CYP4Z1: variants seen among roughly 807,000 people sequenced by gnomAD.
The protein encoded by CYP4Z1 is cytochrome P450 family 4 subfamily Z member 1.
A neutral mutation model predicts 54.2 loss-of-function variants in CYP4Z1; 41 were observed. The observed-to-expected ratio is 0.76, with a 90% CI of 0.59 to 0.98. CYP4Z1 has a LOEUF of 0.98. CYP4Z1 is among the 50% of genes least tolerant of loss of function. CYP4Z1 has a pLI of 0.00. For missense variants in CYP4Z1, 513 were observed against 599.0 expected, an observed-to-expected ratio of 0.86 and a Z score of 1.50; for synonymous variants, 163 against 206.2, an observed-to-expected ratio of 0.79 and a Z score of 1.79.
intron 9 of CYP4Z1, among the ~76,000 whole-genome samples, chr1:47,111,850 G>A (rs1330219398): frequency 6.6e-6 from 1 of 152,134 alleles, no homozygotes; most frequent in Non-Finnish European, 1.5e-5. Flanking sequence ...TTCATCTGGA[G>A]TTTTTTGTTT....
chr1:47,065,778 T>C (rs1486605046), upstream of CYP4Z1, among the ~76,000 whole-genome samples: 1 of 151,982 alleles, frequency 6.6e-6, no homozygotes, highest in Non-Finnish European at 1.5e-5. Flanking sequence ...TGATGAACCA[T>C]TAGTGAGATT....
At chr1:47,108,085 G>A (rs1472368604) in intron 9 of CYP4Z1, among the ~76,000 whole-genome samples, 416 of 151,158 alleles carry the variant, frequency 2.8e-3, no homozygotes, top group African/African-American at 9.7e-3. Flanking sequence ...AAGTGCACAC[G>A]CAGAGTTGCC....
the CYP4Z1 span, among the ~76,000 whole-genome samples, chr1:47,059,276 C>A: frequency 6.6e-6 from 1 of 152,104 alleles, no homozygotes; most frequent in East Asian, 1.9e-4. Context: ...CTGAGGTTAA[C>A]ATTTTACATA....
intron 8 of CYP4Z1, among the ~76,000 whole-genome samples, chr1:47,103,207 T>A: frequency 6.6e-6 from 1 of 151,556 alleles, no homozygotes; most frequent in East Asian, 1.9e-4. Context: ...AGAGAGAGAG[T>A]CTCACTCTGT....
At chr1:47,078,057 A>G (rs1644538000) in intron 2 of CYP4Z1, among the ~76,000 whole-genome samples, 1 of 152,086 alleles carries the variant, frequency 6.6e-6, no homozygotes, top group African/African-American at 2.4e-5. Context: ...TTATTTTCAT[A>G]GTGATTAACG....
intron 9 of CYP4Z1, among the ~76,000 whole-genome samples, chr1:47,112,665 A>G (rs1644801977): frequency 6.6e-6 from 1 of 152,138 alleles, no homozygotes; most frequent in Admixed American, 6.6e-5. Flanking sequence ...CATGCCTGTA[A>G]TCCGAACACT....
intron 1 of CYP4Z1, among the ~76,000 whole-genome samples, 179 bp from the exon 2 acceptor site, chr1:47,068,443 G>A (rs1644466506): frequency 6.6e-6 from 1 of 152,154 alleles, no homozygotes; most frequent in Non-Finnish European, 1.5e-5. Context: ...CCAGGGCCAC[G>A]AAGATTCTGT....
chr1:47,115,546 A>T lies in CYP4Z1; in HGVS notation c.1219A>T (p.Asn407Tyr), dbSNP rs972386823. The change falls in exon 10 of 12, where the codon AAT (asparagine) becomes TAT (tyrosine). Residue 407 changes from asparagine to tyrosine, a missense_variant. Coordinates refer to ENST00000334194, the MANE Select transcript of CYP4Z1 (RefSeq NM_178134.3). ...TTACTCAGGAATAACTGTGTTTATC[A>T]ATATTTGGGCTCTTCACCACAACCC... The part of the protein sequence containing the change: ...SLPAGITVFI[N>Y]IWALHHNPYF... The T allele has an allele frequency of 6.2e-7, 1 of 1,613,296 alleles. No individual in the cohort carries two copies. The highest frequency in any genetic ancestry group is 8.5e-7 in the Non-Finnish European group (1 of 1,179,742).
At position 47,067,436 on chromosome 1, in the gene CYP4Z1, A is replaced by G; in HGVS notation, c.-55A>G. 1 of 1,458,542 alleles carries G rather than the reference A, an allele frequency of 6.9e-7. No homozygotes were observed. Among genetic ancestry groups the G allele is most frequent in the Non-Finnish European group, 9.1e-7 (1 of 1,093,340 alleles). The allele number at this position is 1,458,542 out of a possible 1,614,324, so 90.4% of individuals were successfully genotyped here. On this transcript the variant is annotated 5_prime_UTR_variant, in exon 1 of 12. Transcript: ENST00000334194. ...TCCTTTGTGTTTATGAGAGACCTGC[A>G]TTCTCCCTGGCTCAGTTCTCTCAGG...
chr1:47,115,662 A>G (rs983875959), intron 10 of CYP4Z1, 69 bp downstream of exon 10: 232 of 1,387,748 alleles, frequency 1.7e-4, no homozygotes, highest in Non-Finnish European at 2.3e-4. Flanking sequence ...GCATCTTCAC[A>G]GTTGAGAGAG....
intron 7 of CYP4Z1, among the ~76,000 whole-genome samples, chr1:47,096,202 A>G (rs1168976434): frequency 4.6e-5 from 7 of 152,206 alleles, no homozygotes; most frequent in Admixed American, 2.0e-4. Context: ...AGGATCACTT[A>G]AGGCCAGGAG....
Position 47,085,007 on chromosome 1 carries a change from T to A in CYP4Z1, c.772+29T>A, listed in dbSNP as rs1644581487. The A allele has an allele frequency of 3.2e-6, 3 of 925,162 alleles. No individual in the cohort carries two copies. The East Asian group carries it at 8.0e-5, about 25-fold the overall frequency. The allele number at this position is 925,162 out of a possible 1,614,324, so 57.3% of individuals were successfully genotyped here. A position where few individuals can be genotyped will look rare whatever the true frequency, so the allele number is the denominator to read the frequency against. On this transcript the variant is annotated intron_variant, in intron 6 of 11. Transcript: ENST00000334194. ...AGTCCTGGGATTTACATGGCCAGAGTCCACTATGAGACATCTCATTGTCTG... is the reference window on the plus strand; with the variant it reads ...AGTCCTGGGATTTACATGGCCAGAGACCACTATGAGACATCTCATTGTCTG...
the CYP4Z1 span, among the ~76,000 whole-genome samples, chr1:47,061,366 C>T: frequency 6.6e-6 from 1 of 152,156 alleles, no homozygotes; most frequent in Non-Finnish European, 1.5e-5. Context: ...ACTGACCCCA[C>T]AGAAATAAAA....
At chr1:47,079,767 T>C (rs1226078789) in intron 2 of CYP4Z1, among the ~76,000 whole-genome samples, 2 of 151,868 alleles carry the variant, frequency 1.3e-5, no homozygotes, top group Non-Finnish European at 2.9e-5. Flanking sequence ...AGTGAAGGGA[T>C]AGATCAGGTT....
chr1:47,079,476 T>G (rs1194735766), intron 2 of CYP4Z1, among the ~76,000 whole-genome samples: 4 of 152,148 alleles, frequency 2.6e-5, no homozygotes, highest in African/African-American at 9.7e-5. Flanking sequence ...TTAGACATTA[T>G]TTTTTAGGAC....
rs140175166 is a variant in CYP4Z1, at chr1:47,099,870, T to C, written c.1067+586T>C. Among the ~76,000 whole-genome samples, 757 of 152,322 alleles carry C rather than the reference T, an allele frequency of 5.0e-3. 8 individuals are homozygous for C. Among genetic ancestry groups the C allele is most frequent in the African/African-American group, 0.017 (708 of 41,574 alleles). ...TCAAAAAGTACAGGGAACAGATGTATAGCTTAAAATGTTGTCTAACAAACA... is the reference window on the plus strand; with the variant it reads ...TCAAAAAGTACAGGGAACAGATGTACAGCTTAAAATGTTGTCTAACAAACA... On this transcript the variant is annotated intron_variant, in intron 8 of 11. Transcript: ENST00000334194.
chr1:47,087,927 G>T (rs1200888415), intron 6 of CYP4Z1, among the ~76,000 whole-genome samples: 1 of 152,098 alleles, frequency 6.6e-6, no homozygotes, highest in Non-Finnish European at 1.5e-5. Flanking sequence ...TTTGTCAAAG[G>T]CCTTTTCTGC....
chr1:47,089,111 G>T (rs1316529252), intron 6 of CYP4Z1, among the ~76,000 whole-genome samples: 1 of 147,966 alleles, frequency 6.8e-6, no homozygotes, highest in Non-Finnish European at 1.5e-5. Context: ...TTAATTGCTG[G>T]ATCATTTTAT....
chr1:47,117,062 G>T (rs981479714), intron 11 of CYP4Z1, among the ~76,000 whole-genome samples: 5 of 152,138 alleles, frequency 3.3e-5, no homozygotes, highest in Non-Finnish European at 7.3e-5. Context: ...GGCAACATTG[G>T]CACCTCCCAG....
Sources: gnomAD v4.1 joint callset for allele counts (sites outside exome capture counted in the v4.1 genomes callset) on GRCh38, gnomAD v4.1.1 for gene constraint, MANE v1.5 for transcripts, NCBI Gene and HGNC (gene_info 2026-07-23, HGNC 2026-07-21) for gene names.